SYNE1: variants seen among roughly 807,000 people sequenced by gnomAD.
The protein encoded by SYNE1 is nesprin-1.
A neutral mutation model predicts 1,111.0 loss-of-function variants in SYNE1; 616 were observed. That is an observed-to-expected ratio of 0.55 (90% CI 0.52 to 0.59). The LOEUF is 0.59. Among genes scored for constraint, SYNE1 ranks in the 20% least tolerant of loss-of-function variants. The pLI is 0.00. For synonymous variants in SYNE1, 3,855 were observed against 3,825.8 expected, an observed-to-expected ratio of 1.01 and a Z score of -0.28; for missense variants, 10,006 against 10,417.0, an observed-to-expected ratio of 0.96 and a Z score of 1.72.
chr6:152,218,467 G>A, intron 120 of SYNE1, 64 bp from the exon 121 acceptor site: 1 of 1,579,652 alleles, frequency 6.3e-7, no homozygotes, highest in Non-Finnish European at 8.7e-7. Flanking sequence ...TTTTAATAAA[G>A]TCTGGTAAAA....
At chr6:152,224,432 G>T (rs559255953) in intron 117 of SYNE1, 62 bp downstream of exon 117, 436 of 1,419,466 alleles carry the variant, frequency 3.1e-4, no homozygotes, top group South Asian at 1.2e-3. Flanking sequence ...TCTCCATTTG[G>T]TAATTTTTCA....
intron 142 of SYNE1, chr6:152,134,286 G>C (rs958682307): frequency 9.9e-5 from 15 of 152,216 alleles, no homozygotes; most frequent in African/African-American, 3.1e-4. Flanking sequence ...GATAATGAAA[G>C]TAAGTTTACT....
chr6:152,130,736 T>C lies in SYNE1; in HGVS notation c.26137A>G (p.Ser8713Gly). ...AGGAGGTACCTGCTATGTGGACTGC[T>C]GACAGAGGGTCCAGGCTGTGAGAGA... The part of the protein sequence containing the change: ...CSLSQPGPSV[S>G]SPHSRSTKGG... Residue 8713 changes from serine to glycine, a missense_variant, in exon 145 of 146, where the codon AGC becomes GGC. Around this residue, in one of 7 missense-constraint regions of SYNE1, gnomAD observed 761 missense variants for 795.5 expected, o/e 0.96. Transcript: ENST00000367255. 2 of 1,614,200 alleles carry C rather than the reference T, an allele frequency of 1.2e-6. No homozygotes were observed. Among genetic ancestry groups the C allele is most frequent in the Non-Finnish European group, 1.7e-6 (2 of 1,180,032 alleles).
At chr6:152,576,308 A>G (rs939375809) in intron 3 of SYNE1, among the ~76,000 whole-genome samples, 1 of 152,212 alleles carries the variant, frequency 6.6e-6, no homozygotes, top group Non-Finnish European at 1.5e-5. Context: ...ATACTAGCAC[A>G]TAGCACAGTC....
intron 98 of SYNE1, among the ~76,000 whole-genome samples, chr6:152,276,878 CTTTTTTTTTTTTTTT>C (rs539497198): frequency 9.8e-6 from 1 of 102,162 alleles, no homozygotes; most frequent in Non-Finnish European, 1.9e-5. Flanking sequence ...ACTCTGCACT[CTTTTTTTTTTTTTTT>C]TTTTTTTTTG....
At chr6:152,428,027 T>C (rs1279464611) in intron 37 of SYNE1, among the ~76,000 whole-genome samples, 178 bp downstream of exon 37, 2 of 152,196 alleles carry the variant, frequency 1.3e-5, no homozygotes, top group East Asian at 3.9e-4. Context: ...AAGACCCATA[T>C]ATATCCTCTC....
chr6:152,358,497 T>A lies in SYNE1; in HGVS notation c.10484A>T (p.Gln3495Leu). ...TKSEKLVRLH[Q>L]EYQRDLKAFE... ...TGCCTTTAGGTCTCTCTGATACTCTTGGTGCAGGCGGACAAGTTTTTCAGA... is the reference window on the plus strand; with the variant it reads ...TGCCTTTAGGTCTCTCTGATACTCTAGGTGCAGGCGGACAAGTTTTTCAGA... Residue 3495 changes from glutamine to leucine, a missense_variant, in exon 66 of 146, where the codon CAA becomes CTA. Coordinates refer to ENST00000367255, the MANE Select transcript of SYNE1 (RefSeq NM_182961.4). 6.2e-7 allele frequency: 1 copy of A among 1,614,206 alleles called. No homozygotes were observed. Among genetic ancestry groups the A allele is most frequent in the African/African-American group, 1.3e-5 (1 of 75,046 alleles).
Position 152,611,980 on chromosome 6 carries a change from T to C in SYNE1, c.67+16285A>G, listed in dbSNP as rs528984630. Among the ~76,000 whole-genome samples the C allele has an allele frequency of 5.9e-5, 9 of 151,842 alleles. No homozygotes were observed. In the South Asian group the frequency reaches 1.9e-3, roughly 32 times the overall value. On this transcript the variant is annotated intron_variant, in intron 3 of 145. Coordinates refer to ENST00000367255, the MANE Select transcript of SYNE1 (RefSeq NM_182961.4). ...CAAAGACACAGCATACCAGAATCTC[T>C]GGGACACATTTAAAGCAGTGTGTAG...
chr6:152,168,935 G>A (rs1338243332), intron 130 of SYNE1, among the ~76,000 whole-genome samples: 7 of 151,942 alleles, frequency 4.6e-5, no homozygotes, highest in African/African-American at 1.7e-4. Context: ...GGGTCTTCAG[G>A]TAACTCTTTT....
chr6:152,561,547 G>A (rs772972935), intron 3 of SYNE1, among the ~76,000 whole-genome samples: 8 of 151,626 alleles, frequency 5.3e-5, no homozygotes, highest in Non-Finnish European at 1.2e-4. Context: ...AATTCCAACG[G>A]CATTTTTAAT....
intron 129 of SYNE1, among the ~76,000 whole-genome samples, chr6:152,176,805 A>G (rs1389554829): frequency 6.6e-6 from 1 of 152,126 alleles, no homozygotes; most frequent in East Asian, 1.9e-4. Context: ...GCTGCTTCCT[A>G]TTTACTTGAA....
At position 152,249,270 on chromosome 6, in the gene SYNE1, G is replaced by A; in HGVS notation, c.19471-8C>T. The stretch of plus-strand genomic sequence containing the variant: ...CAGCACTTTCAGATCATTCTAAGGA[G>A]GAAAGCAACGGGAAAACTCAAAATG... On this transcript the variant is annotated splice_polypyrimidine_tract_variant and splice_region_variant and intron_variant, in intron 104 of 145. Transcript: ENST00000367255. The A allele has an allele frequency of 6.5e-7, 1 of 1,542,486 alleles. No homozygotes were observed. The highest frequency in any genetic ancestry group is 2.2e-5 in the East Asian group (1 of 44,546).
chr6:152,365,082 T>C (rs1044301828), intron 62 of SYNE1, 63 bp from the exon 63 acceptor site: 3 of 1,589,042 alleles, frequency 1.9e-6, no homozygotes, highest in East Asian at 2.2e-5. Flanking sequence ...GCTTTAAATA[T>C]TGCAGAGCTC....
intron 113 of SYNE1, among the ~76,000 whole-genome samples, chr6:152,231,881 T>A (rs2082865827): frequency 6.6e-6 from 1 of 152,076 alleles, no homozygotes; most frequent in Admixed American, 6.5e-5. Context: ...AATTTATTTT[T>A]ATAATTTCTG....
intron 34 of SYNE1, among the ~76,000 whole-genome samples, chr6:152,432,234 T>C (rs2098436191): frequency 6.6e-6 from 1 of 152,180 alleles, no homozygotes; most frequent in African/African-American, 2.4e-5. Flanking sequence ...TGTATTTATC[T>C]TCCAACAAGG....
At chr6:152,212,491 T>C (rs1160569607) in intron 123 of SYNE1, among the ~76,000 whole-genome samples, 1 of 152,210 alleles carries the variant, frequency 6.6e-6, no homozygotes, top group Non-Finnish European at 1.5e-5. Flanking sequence ...TATTCTATTA[T>C]ATAGACATTT....
At chr6:152,280,528 C>G (rs2093968339) in intron 97 of SYNE1, among the ~76,000 whole-genome samples, 1 of 151,900 alleles carries the variant, frequency 6.6e-6, no homozygotes, top group South Asian at 2.1e-4. Flanking sequence ...CCCAGGGAAG[C>G]CAAAAGATTG....
In SYNE1 at chr6:152,131,706, C is replaced by T. The variant is rs369372960; in HGVS notation, c.26094+416G>A. Among the ~76,000 whole-genome samples, 8 of 152,192 alleles carry T rather than the reference C, an allele frequency of 5.3e-5. No individual in the cohort carries two copies. The East Asian group carries it at 9.7e-4, about 18-fold the overall frequency. ...TCAACAGAACCTCCACTTGCCTTAACGAGTCAATGGCTCACAGGCGTTCAC... is the reference window on the plus strand; with the variant it reads ...TCAACAGAACCTCCACTTGCCTTAATGAGTCAATGGCTCACAGGCGTTCAC... On this transcript the variant is annotated intron_variant, in intron 144 of 145. Transcript: ENST00000367255.
intron 14 of SYNE1, among the ~76,000 whole-genome samples, chr6:152,478,969 G>A (rs965412496): frequency 1.3e-5 from 2 of 152,190 alleles, no homozygotes; most frequent in African/African-American, 4.8e-5. Flanking sequence ...CTTTTACATT[G>A]CATTTAAGCA....
Sources: gnomAD v4.1 joint callset for allele counts (sites outside exome capture counted in the v4.1 genomes callset) on GRCh38, gnomAD v4.1.1 for gene constraint, gnomAD v4.1.1 regional missense constraint, MANE v1.5 for transcripts, NCBI Gene and HGNC (gene_info 2026-07-23, HGNC 2026-07-21) for gene names.